GADL1: variants seen among roughly 807,000 people sequenced by gnomAD.
The protein encoded by GADL1 is GAD like acidic amino acid decarboxylase 1.
Under a neutral mutation model 69.5 loss-of-function variants are expected in GADL1, and 71 were observed. The observed-to-expected ratio is 1.02, with a 90% CI of 0.84 to 1.25. The LOEUF (loss-of-function observed/expected upper bound fraction) is 1.25, where lower values mean the gene tolerates loss of function less well. GADL1 is among the 50% of genes most tolerant of loss of function. The pLI, the probability that GADL1 is intolerant of heterozygous loss-of-function variation, is 0.00. For missense variants in GADL1, 737 were observed against 631.8 expected, an observed-to-expected ratio of 1.17 and a Z score of -1.79; for synonymous variants, 254 against 214.4, an observed-to-expected ratio of 1.18 and a Z score of -1.62.
At chr3:30,760,482 TTCC>T (rs779187132) in intron 14 of GADL1, among the ~76,000 whole-genome samples, 8 of 152,304 alleles carry the variant, frequency 5.3e-5, no homozygotes, top group Non-Finnish European at 8.8e-5. Context: ...CTAGCTGGCA[TTCC>T]TCCTAACATC....
chr3:30,800,783 T>C, intron 12 of GADL1, 106 bp downstream of exon 12: 1 of 901,760 alleles, frequency 1.1e-6, no homozygotes, highest in Non-Finnish European at 1.7e-6. Flanking sequence ...TTTCCTTAGG[T>C]CTTCCTATTA....
intron 3 of GADL1, among the ~76,000 whole-genome samples, 156 bp downstream of exon 3, chr3:30,856,859 A>G (rs544637993): frequency 1.5e-4 from 23 of 152,048 alleles, no homozygotes; most frequent in Non-Finnish European, 2.4e-4. Context: ...AATCTGGATT[A>G]GGGATTAAAG....
At position 30,789,901 on chromosome 3, in the gene GADL1, T is replaced by C. The variant is rs146098640; in HGVS notation, c.1251-3495A>G. ...AGGCAATGTCATGCCTGCTTTGATCTATCCAGAACTCTACAACCTTCATAG... is the reference window on the plus strand; with the variant it reads ...AGGCAATGTCATGCCTGCTTTGATCCATCCAGAACTCTACAACCTTCATAG... On this transcript the variant is annotated intron_variant, in intron 12 of 14. Transcript: ENST00000282538. Among the ~76,000 whole-genome samples, 157 of 152,336 alleles carry C rather than the reference T, an allele frequency of 1.0e-3. 2 individuals are homozygous for C. The highest frequency in any genetic ancestry group is 3.5e-3 in the African/African-American group (145 of 41,578).
chr3:30,790,875 G>A (rs965762207), intron 12 of GADL1, among the ~76,000 whole-genome samples: 12 of 152,060 alleles, frequency 7.9e-5, no homozygotes, highest in African/African-American at 2.9e-4. Context: ...GCAACATAAT[G>A]TAATATGCAG....
intron 5 of GADL1, 77 bp downstream of exon 5, chr3:30,850,758 G>T: frequency 2.5e-6 from 2 of 792,268 alleles, no homozygotes; most frequent in South Asian, 3.2e-5. Context: ...GTATAAATCT[G>T]CAAGGAGTTG....
intron 9 of GADL1, among the ~76,000 whole-genome samples, chr3:30,838,658 G>A (rs1697912162): frequency 1.3e-5 from 2 of 152,080 alleles, no homozygotes. Flanking sequence ...TGAAGAAGAG[G>A]CAGATCAGAA....
intron 12 of GADL1, chr3:30,799,898 T>A (rs1412421948): frequency 6.6e-6 from 1 of 152,312 alleles, no homozygotes; most frequent in Non-Finnish European, 1.5e-5. Context: ...TTTGCTCCAG[T>A]TCCCAACAAG....
At chr3:30,755,158 C>T (rs1267345455) in intron 14 of GADL1, among the ~76,000 whole-genome samples, 1 of 152,096 alleles carries the variant, frequency 6.6e-6, no homozygotes, top group Non-Finnish European at 1.5e-5. Context: ...TACAGATGAC[C>T]TCCCACCACA....
At chr3:30,859,485 A>G (rs1698282205) in intron 2 of GADL1, among the ~76,000 whole-genome samples, 1 of 151,870 alleles carries the variant, frequency 6.6e-6, no homozygotes, top group Non-Finnish European at 1.5e-5. Context: ...GGGAAAGAAA[A>G]TCAGTGGTTT....
At chr3:30,743,823 ATC>A in intron 14 of GADL1, among the ~76,000 whole-genome samples, 1 of 152,146 alleles carries the variant, frequency 6.6e-6, no homozygotes, top group Non-Finnish European at 1.5e-5. Flanking sequence ...AGGAGTACAT[ATC>A]TCTGTTCCAT....
intron 12 of GADL1, chr3:30,800,551 A>G (rs971980111): frequency 2.9e-5 from 7 of 239,934 alleles, no homozygotes; most frequent in Non-Finnish European, 5.7e-5. Context: ...GTGTGCCTCA[A>G]GAACACACTA....
intron 2 of GADL1, among the ~76,000 whole-genome samples, chr3:30,859,408 G>A (rs892567564): frequency 3.3e-4 from 50 of 151,830 alleles, no homozygotes; most frequent in African/African-American, 1.2e-3. Flanking sequence ...AGGGTAAACA[G>A]CAAGACTCAA....
chr3:30,810,858 G>A (rs562873020), intron 11 of GADL1, among the ~76,000 whole-genome samples: 2 of 152,166 alleles, frequency 1.3e-5, no homozygotes, highest in East Asian at 1.9e-4. Context: ...AGAGGGGGAG[G>A]GGGAAGGAAG....
intron 14 of GADL1, among the ~76,000 whole-genome samples, chr3:30,760,059 A>G (rs775263336): frequency 5.3e-5 from 8 of 152,194 alleles, no homozygotes; most frequent in Non-Finnish European, 8.8e-5. Flanking sequence ...TTATTGTCTC[A>G]TATCACTAAA....
Position 30,772,268 on chromosome 3 carries a change from G to GA in GADL1, c.1392+5910dup, listed in dbSNP as rs199853568. Reference sequence around the variant, plus strand: ...TCACAAATCTGCAGGTCAGCAAATGGAAAAAATTGAAATAACCATACATGA... The same window carrying GA: ...TCACAAATCTGCAGGTCAGCAAATGGAAAAAAATTGAAATAACCATACATGA... On this transcript the variant is annotated intron_variant, in intron 14 of 14. Transcript: ENST00000282538. Among the ~76,000 whole-genome samples the GA allele has an allele frequency of 2.8e-3, 424 of 152,194 alleles. 3 individuals carry two copies. The highest frequency in any genetic ancestry group is 0.01 in the Middle Eastern group (3 of 294).
intron 14 of GADL1, among the ~76,000 whole-genome samples, chr3:30,774,635 TAA>T (rs1353408747): frequency 1.3e-5 from 2 of 152,322 alleles, no homozygotes; most frequent in Admixed American, 6.5e-5. Flanking sequence ...ATTTATATAA[TAA>T]AACTTTTCTT....
intron 14 of GADL1, among the ~76,000 whole-genome samples, chr3:30,741,337 AT>A (rs2125473228): frequency 6.6e-6 from 1 of 151,274 alleles, no homozygotes; most frequent in Non-Finnish European, 1.5e-5. Context: ...TAAACATTCA[AT>A]TTTTTACCTT....
chr3:30,801,068 G>T lies in GADL1; in HGVS notation c.1071C>A (p.Tyr357Ter). Reference sequence around the variant, plus strand: ...GGAAGAGGTAAGATGCCTTGGCAGAGTAGCATTTTTTAAGAAGATCCTTCG... The same window carrying T: ...GGAAGAGGTAAGATGCCTTGGCAGATTAGCATTTTTTAAGAAGATCCTTCG... ...KDKSDLLKKC[Y>*]SAKASYLFQQ... The change falls in exon 12 of 15, where the codon TAC (tyrosine) becomes TAA (stop). Residue 357 changes from tyrosine to a stop codon, truncating the protein, a stop_gained. Transcript: ENST00000282538. LOFTEE classifies it high-confidence loss of function. 6 of 1,612,750 alleles carry T rather than the reference G, an allele frequency of 3.7e-6. No homozygotes were observed. Among genetic ancestry groups the T allele is most frequent in the Non-Finnish European group, 4.2e-6 (5 of 1,179,394 alleles).
At chr3:30,781,865 T>TAAAA (rs992996063) in intron 13 of GADL1, among the ~76,000 whole-genome samples, 6 of 152,204 alleles carry the variant, frequency 3.9e-5, no homozygotes, top group Admixed American at 2.0e-4. Context: ...AGATGTCTTT[T>TAAAA]AAAGTGGATG....
Sources: allele counts gnomAD v4.1 joint callset (sites outside exome capture counted in the v4.1 genomes callset), GRCh38; gene constraint gnomAD v4.1.1; transcripts MANE v1.5; gene names NCBI Gene and HGNC (gene_info 2026-07-23, HGNC 2026-07-21).